SNX25: variants seen among roughly 807,000 people sequenced by gnomAD.
The protein encoded by SNX25 is sorting nexin 25.
SNX25 carries 62 observed loss-of-function variants against 113.7 expected under a neutral mutation model. That is an observed-to-expected ratio of 0.55 (90% CI 0.44 to 0.67). The LOEUF (loss-of-function observed/expected upper bound fraction) is 0.67, where lower values mean the gene tolerates loss of function less well. Ranked by LOEUF, SNX25 falls within the 30% of genes least tolerant of loss-of-function variation. The pLI is 0.00. For synonymous variants in SNX25, 421 were observed against 436.2 expected (o/e 0.97, Z 0.43); for missense variants, 1,014 against 1,161.0 (o/e 0.87, Z 1.84).
At chr4:185,340,895 G>A (rs1229341980) in intron 11 of SNX25, among the ~76,000 whole-genome samples, 1 of 152,106 alleles carries the variant, frequency 6.6e-6, no homozygotes, top group African/African-American at 2.4e-5. Context: ...AGAAAGGTGC[G>A]GAGGATGCAT....
intron 6 of SNX25, among the ~76,000 whole-genome samples, chr4:185,302,411 C>A (rs1039671442): frequency 6.6e-6 from 1 of 152,062 alleles, no homozygotes; most frequent in African/African-American, 2.4e-5. Flanking sequence ...GAACCCTCCC[C>A]CTGTGGGATC....
chr4:185,368,342 T>G (rs559911937), downstream of SNX25, among the ~76,000 whole-genome samples: 1 of 152,278 alleles, frequency 6.6e-6, no homozygotes, highest in Admixed American at 6.5e-5. Context: ...AGAGCAGGCC[T>G]GGGTCTGTCG....
At position 185,362,836 on chromosome 4, in the gene SNX25, A is replaced by ATT; in HGVS notation, c.2934+125_2934+126insTT. ...TCTCACATACTAGTCATCTCCCTTG[A>ATT]CTTTTTTTTTTTTTTTTTTTTTTGA... On this transcript the variant is annotated intron_variant, in intron 18 of 18. Transcript: ENST00000652585. The ATT allele has an allele frequency of 6.5e-5, 23 of 352,554 alleles. No homozygotes were observed. In the South Asian group the frequency reaches 7.5e-4, roughly 12 times the overall value. The allele number at this position is 352,554 out of a possible 1,614,324, so 21.8% of individuals were successfully genotyped here. A position where few individuals can be genotyped will look rare whatever the true frequency, so the allele number is the denominator to read the frequency against.
At chr4:185,337,050 T>A (rs889099877) in intron 10 of SNX25, among the ~76,000 whole-genome samples, 4 of 152,226 alleles carry the variant, frequency 2.6e-5, no homozygotes, top group Non-Finnish European at 5.9e-5. Flanking sequence ...TTTCTGTAGA[T>A]TCTGGATATT....
At chr4:185,205,741 A>G (rs1737158170), upstream of SNX25, among the ~76,000 whole-genome samples, 1 of 152,218 alleles carries the variant, frequency 6.6e-6, no homozygotes, top group African/African-American at 2.4e-5. Flanking sequence ...ACGCAGAAGA[A>G]TCGCTTGAAC....
intron 1 of SNX25, among the ~76,000 whole-genome samples, chr4:185,240,195 TTTCTC>T (rs1743515204): frequency 6.6e-6 from 1 of 152,020 alleles, no homozygotes; most frequent in Non-Finnish European, 1.5e-5. Flanking sequence ...AACCATCCGA[TTTCTC>T]AGTCTTTTCC....
intron 9 of SNX25, among the ~76,000 whole-genome samples, chr4:185,324,662 T>C (rs188945716): frequency 1.3e-5 from 2 of 152,156 alleles, no homozygotes; most frequent in African/African-American, 4.8e-5. Flanking sequence ...GAGATGTCAT[T>C]TGTGGTTTAT....
chr4:185,309,245 G>A lies in SNX25; in HGVS notation c.1163-1390G>A, dbSNP rs186870296. Among the ~76,000 whole-genome samples, 245 of 152,248 alleles carry A rather than the reference G, an allele frequency of 1.6e-3. 1 individual carries two copies. Among genetic ancestry groups the A allele is most frequent in the Non-Finnish European group, 2.6e-3 (178 of 68,030 alleles). Reference sequence around the variant, plus strand: ...CTTCCTCAAAGCATGGAAGCCTCGGGGCAGGTGAGCCACTTACATAGTGAC... The same window carrying A: ...CTTCCTCAAAGCATGGAAGCCTCGGAGCAGGTGAGCCACTTACATAGTGAC... On this transcript the variant is annotated intron_variant, in intron 6 of 18. Coordinates refer to ENST00000652585, the MANE Select transcript of SNX25 (RefSeq NM_001378034.2).
chr4:185,268,920 T>C (rs1263274759), intron 5 of SNX25, among the ~76,000 whole-genome samples: 1 of 152,262 alleles, frequency 6.6e-6, no homozygotes, highest in East Asian at 1.9e-4. Context: ...TGGATTTGTT[T>C]ACAAGGAATT....
At chr4:185,372,988 C>CGGAT (rs1250877779), downstream of SNX25, 5 of 1,614,006 alleles carry the variant, frequency 3.1e-6, no homozygotes, top group Non-Finnish European at 4.2e-6. Context: ...CGTATCCTGC[C>CGGAT]GGATGCCTTG....
intron 5 of SNX25, among the ~76,000 whole-genome samples, chr4:185,271,805 T>C (rs1370724323): frequency 6.6e-6 from 1 of 152,246 alleles, no homozygotes; most frequent in Non-Finnish European, 1.5e-5. Context: ...TCAACTCTGT[T>C]AGGGCGGAAT....
At chr4:185,211,242 T>C in intron 1 of SNX25, among the ~76,000 whole-genome samples, 1 of 152,274 alleles carries the variant, frequency 6.6e-6, no homozygotes, top group South Asian at 2.1e-4. Flanking sequence ...TCTGAGTGTG[T>C]TAGTTCAGAA....
At chr4:185,216,387 G>A (rs1172154550) in intron 1 of SNX25, among the ~76,000 whole-genome samples, 3 of 152,036 alleles carry the variant, frequency 2.0e-5, no homozygotes, top group Non-Finnish European at 4.4e-5. Flanking sequence ...AGATCAGTCA[G>A]CATAAGATGA....
chr4:185,330,547 A>G (rs1449493769), intron 9 of SNX25, among the ~76,000 whole-genome samples: 1 of 152,200 alleles, frequency 6.6e-6, no homozygotes, highest in African/African-American at 2.4e-5. Context: ...ATCATTTTGG[A>G]TAGCTCCAGT....
At chr4:185,374,043 A>T, downstream of SNX25, 1 of 1,041,440 alleles carries the variant, frequency 9.6e-7, no homozygotes, top group Non-Finnish European at 1.4e-6. Context: ...AGAGATATTT[A>T]AAACGACATT....
At chr4:185,340,797 T>G (rs1354854198) in intron 11 of SNX25, among the ~76,000 whole-genome samples, 1 of 152,156 alleles carries the variant, frequency 6.6e-6, no homozygotes, top group African/African-American at 2.4e-5. Context: ...TGGCCGTCAG[T>G]TGCTGCTTGC....
intron 5 of SNX25, among the ~76,000 whole-genome samples, chr4:185,278,498 GGAATGAAT>G (rs10550763): frequency 7.2e-5 from 11 of 151,874 alleles, no homozygotes; most frequent in Non-Finnish European, 1.0e-4. Context: ...AATGACGCAT[GGAATGAAT>G]GAATGAATGA....
At chr4:185,318,683 C>G (rs2095094676) in intron 7 of SNX25, among the ~76,000 whole-genome samples, 1 of 152,182 alleles carries the variant, frequency 6.6e-6, no homozygotes. Flanking sequence ...ATACATTTCT[C>G]TTCAATTTTT....
chr4:185,297,565 T>G (rs910165764), intron 6 of SNX25, among the ~76,000 whole-genome samples: 7 of 152,234 alleles, frequency 4.6e-5, no homozygotes, highest in Admixed American at 4.6e-4. Flanking sequence ...CTCAGTCAAT[T>G]CAGGCTGCTG....
Sources: gnomAD v4.1 joint callset for allele counts (sites outside exome capture counted in the v4.1 genomes callset) on GRCh38, gnomAD v4.1.1 for gene constraint, MANE v1.5 for transcripts, NCBI Gene and HGNC (gene_info 2026-07-23, HGNC 2026-07-21) for gene names.